The following BAX variants were observed in gnomAD, a reference collection of about 807,000 sequenced individuals.
BAX encodes the protein apoptosis regulator BAX.
Under a neutral mutation model 26.8 loss-of-function variants are expected in BAX, and 21 were observed. That is an observed-to-expected ratio of 0.78 (90% CI 0.56 to 1.13). The LOEUF is 1.13. BAX is among the 50% of genes most tolerant of loss of function. The pLI, the probability that BAX is intolerant of heterozygous loss-of-function variation, is 0.00. For missense variants in BAX, 236 were observed against 254.6 expected (o/e 0.93, Z 0.50); for synonymous variants, 110 against 101.8 (o/e 1.08, Z -0.49).
In BAX at chr19:48,960,846, A is replaced by G. The variant is rs760132642; in HGVS notation, c.406A>G (p.Ile136Val). 5 of 1,614,004 alleles carry G rather than the reference A, an allele frequency of 3.1e-6. No homozygotes were observed. The African/African-American group carries it at 4.0e-5, about 13-fold the overall frequency. The change falls in exon 5 of 6, where the codon ATC (isoleucine) becomes GTC (valine). Residue 136 changes from isoleucine (I) to valine (V), a missense_variant. Coordinates refer to ENST00000345358, the MANE Select transcript of BAX (RefSeq NM_138761.4). ...CTKVPELIRT[I>V]MGWTLDFLRE... The stretch of plus-strand genomic sequence containing the variant: ...CAAGGTGCCGGAACTGATCAGAACC[A>G]TCATGGGCTGGACATTGGACTTCCT...
intron 4 of BAX, chr19:48,960,192 TTTTTA>T: frequency 2.7e-5 from 12 of 444,070 alleles, no homozygotes; most frequent in Non-Finnish European, 4.0e-5. Context: ...AATTTTATTT[TTTTTA>T]TTTATTTATT....
chr19:48,958,178 C>T (rs544561549), intron 4 of BAX, among the ~76,000 whole-genome samples: 28 of 151,194 alleles, frequency 1.9e-4, no homozygotes, highest in Non-Finnish European at 3.0e-4. Flanking sequence ...AGCCTCAAAC[C>T]GCTGGGGTCA....
chr19:48,961,001 G>A, intron 5 of BAX, 87 bp downstream of exon 5: 1 of 1,612,578 alleles, frequency 6.2e-7, no homozygotes, highest in Non-Finnish European at 8.5e-7. Flanking sequence ...CCACTCCTCT[G>A]GGACCCTGGG....
At chr19:48,956,881 A>G (rs1227832944) in intron 4 of BAX, among the ~76,000 whole-genome samples, 1 of 132,230 alleles carries the variant, frequency 7.6e-6, no homozygotes, top group African/African-American at 2.9e-5. Flanking sequence ...CATGTTGGTC[A>G]GGCTGGTCTT....
chr19:48,956,416 C>A, intron 4 of BAX, 83 bp downstream of exon 4: 1 of 1,396,858 alleles, frequency 7.2e-7, no homozygotes, highest in Non-Finnish European at 9.5e-7. Context: ...CAACCCCCTG[C>A]AGTGGCCCAG....
intron 4 of BAX, among the ~76,000 whole-genome samples, chr19:48,957,033 A>G (rs1306679467): frequency 6.6e-6 from 1 of 150,398 alleles, no homozygotes; most frequent in Non-Finnish European, 1.5e-5. Context: ...CAAAGCTAGA[A>G]TGATAAGAAG....
chr19:48,956,411 C>T lies in BAX; in HGVS notation c.369+78C>T, dbSNP rs904113994. 1.5e-5 allele frequency: 22 copies of T among 1,423,840 alleles called. No homozygotes were observed. In the African/African-American group the frequency reaches 2.2e-4, roughly 14 times the overall value. The allele number at this position is 1,423,840 out of a possible 1,614,324, so 88.2% of individuals were successfully genotyped here. On this transcript the variant is annotated intron_variant, in intron 4 of 5. Coordinates refer to ENST00000345358, the MANE Select transcript of BAX (RefSeq NM_138761.4). ...GGACCTGGGGATCGTGGTATCAACC[C>T]CCTGCAGTGGCCCAGTGACCACAGA...
chr19:48,954,912 C>T lies in BAX; in HGVS notation c.-17C>T, dbSNP rs200532779. 2.0e-5 allele frequency: 25 copies of T among 1,230,334 alleles called. No individual in the cohort carries two copies. Among genetic ancestry groups the T allele is most frequent in the Middle Eastern group, 3.1e-4 (1 of 3,200 alleles). The allele number at this position is 1,230,334 out of a possible 1,614,324, so 76.2% of individuals were successfully genotyped here. ...CCCGCGCGGACCCGGCGAGAGGCGG[C>T]GGCGGGAGCGGCGGTGATGGACGGG... On this transcript the variant is annotated 5_prime_UTR_variant, in exon 1 of 6. Coordinates refer to ENST00000345358, the MANE Select transcript of BAX (RefSeq NM_138761.4).
At chr19:48,955,411 C>T (rs1057090443) in intron 1 of BAX, 137 bp from the exon 2 acceptor site, 20 of 961,958 alleles carry the variant, frequency 2.1e-5, no homozygotes, top group South Asian at 3.9e-5. Context: ...TGGGCCCCCC[C>T]GTCACTTTAT....
At chr19:48,960,509 A>G (rs2038314644) in intron 4 of BAX, among the ~76,000 whole-genome samples, 1 of 152,190 alleles carries the variant, frequency 6.6e-6, no homozygotes, top group South Asian at 2.1e-4. Flanking sequence ...GATTACAGGC[A>G]TGTGCCACCA....
rs373493221 is a variant in BAX at position 48,961,558 on chromosome 19, G to A, written c.501G>A (p.Thr167=). The A allele has an allele frequency of 6.6e-5, 106 of 1,610,722 alleles. No individual in the cohort carries two copies. Among genetic ancestry groups the A allele is most frequent in the African/African-American group, 8.0e-5 (6 of 74,814 alleles). Residue 167 remains threonine (T), a synonymous_variant, in exon 6 of 6, where the codon ACG becomes ACA. Coordinates refer to ENST00000345358, the MANE Select transcript of BAX (RefSeq NM_138761.4). ...GWDGLLSYFG[T]PTWQTVTIFV... ...ACGGCCTCCTCTCCTACTTTGGGAC[G>A]CCCACGTGGCAGACCGTGACCATCT...
chr19:48,956,365 T>A (rs756035440), intron 4 of BAX, 32 bp downstream of exon 4: 2 of 1,504,924 alleles, frequency 1.3e-6, no homozygotes, highest in Non-Finnish European at 1.8e-6. Context: ...AGCCCAGGGA[T>A]GCTCCCCCTC....
chr19:48,955,219 G>A (rs896432250), intron 1 of BAX: 1 of 438,406 alleles, frequency 2.3e-6, no homozygotes, highest in East Asian at 3.6e-5. Flanking sequence ...CCCCGGGCAG[G>A]CCCGGGCTTG....
intron 1 of BAX, 85 bp from the exon 2 acceptor site, chr19:48,955,463 C>T: frequency 1.4e-6 from 2 of 1,465,856 alleles, no homozygotes; most frequent in Non-Finnish European, 1.8e-6. Flanking sequence ...GCTCTGTCCT[C>T]CCTCAGGGGC....
chr19:48,955,786 T>C lies in BAX; in HGVS notation c.186T>C (p.Cys62=). The stretch of plus-strand genomic sequence containing the variant: ...CGTCCACCAAGAAGCTGAGCGAGTG[T>C]CTCAAGCGCATCGGGGACGAACTGG... ...QDASTKKLSE[C]LKRIGDELDS... Residue 62 remains cysteine, a synonymous_variant, in exon 3 of 6, where the codon TGT becomes TGC. Transcript: ENST00000345358. 1 of 1,611,882 alleles carries C rather than the reference T, an allele frequency of 6.2e-7. No individual in the cohort carries two copies. Among genetic ancestry groups the C allele is most frequent in the Non-Finnish European group, 8.5e-7 (1 of 1,179,260 alleles).
chr19:48,955,965 C>T, intron 3 of BAX, 132 bp downstream of exon 3: 2 of 1,195,422 alleles, frequency 1.7e-6, no homozygotes, highest in Non-Finnish European at 2.3e-6. Context: ...ACATTCCGGA[C>T]TCCCAGCCCT....
chr19:48,957,951 T>G (rs1600106714), intron 4 of BAX, among the ~76,000 whole-genome samples: 1 of 151,956 alleles, frequency 6.6e-6, no homozygotes, highest in African/African-American at 2.4e-5. Context: ...GTGGGGGTGG[T>G]GGTGAAATGC....
chr19:48,956,314 C>A lies in BAX; in HGVS notation c.350C>A (p.Ala117Asp). 6.3e-7 allele frequency: 1 copy of A among 1,575,472 alleles called. No individual in the cohort carries two copies. The change falls in exon 4 of 6, where the codon GCC becomes GAC. Residue 117 changes from alanine (A) to aspartate (D), a missense_variant. By Grantham distance (126) the Ala-to-Asp change is moderately radical. Coordinates refer to ENST00000345358, the MANE Select transcript of BAX (RefSeq NM_138761.4). ...WGRVVALFYFASKLVLKALCT... is the reference protein window; with the variant it reads ...WGRVVALFYFDSKLVLKALCT... ...CGGGTTGTCGCCCTTTTCTACTTTGCCAGCAAACTGGTGCTCAAGGTGGGC... is the reference window on the plus strand; with the variant it reads ...CGGGTTGTCGCCCTTTTCTACTTTGACAGCAAACTGGTGCTCAAGGTGGGC...
intron 4 of BAX, among the ~76,000 whole-genome samples, chr19:48,956,652 A>ATT (rs746344180): frequency 3.2e-4 from 38 of 118,164 alleles, no homozygotes; most frequent in African/African-American, 4.8e-4. Context: ...AAAGATTTCT[A>ATT]TTTTTTTTTT....
Sources: allele counts gnomAD v4.1 joint callset (sites outside exome capture counted in the v4.1 genomes callset), GRCh38; gene constraint gnomAD v4.1.1; transcripts MANE v1.5; gene names NCBI Gene and HGNC (gene_info 2026-07-23, HGNC 2026-07-21).